TINAG: variants seen among roughly 807,000 people sequenced by gnomAD.
The protein encoded by TINAG is tubulointerstitial nephritis antigen.
A neutral mutation model predicts 72.7 loss-of-function variants in TINAG; 83 were observed. The observed-to-expected ratio is 1.14, with a 90% confidence interval of 0.96 to 1.37. TINAG has a LOEUF of 1.37. Ranked by LOEUF, TINAG falls within the 40% of genes most tolerant of loss-of-function variation. The probability of loss-of-function intolerance (pLI) is 0.00; values close to 1 mark genes in which losing one functional copy is unlikely to be tolerated. For synonymous variants in TINAG, 234 were observed against 189.9 expected (o/e 1.23, Z -1.91); for missense variants, 685 against 576.6 (o/e 1.19, Z -1.93).
chr6:54,330,626 A>G lies in TINAG; in HGVS notation c.624+3710A>G, dbSNP rs1010867720. On this transcript the variant is annotated intron_variant, in intron 4 of 10. Transcript: ENST00000259782. ...AGATCAGAGCAGAAATGAAGGAGAT[A>G]GAGACATGAAAAACCCTTCAAAACA... 2.6e-5 allele frequency among the ~76,000 whole-genome samples: 4 copies of G among 152,314 alleles called. No individual in the cohort carries two copies. The South Asian group carries it at 6.2e-4, about 24-fold the overall frequency.
At chr6:54,383,077 C>T (rs534817323) in intron 10 of TINAG, among the ~76,000 whole-genome samples, 1 of 152,238 alleles carries the variant, frequency 6.6e-6, no homozygotes, top group East Asian at 1.9e-4. Context: ...CTTGTCTCTG[C>T]TCTCTTTGAG....
In TINAG at chr6:54,349,763, C is replaced by A; in HGVS notation, c.947C>A (p.Thr316Asn). The A allele has an allele frequency of 6.2e-7, 1 of 1,604,434 alleles. No homozygotes were observed. The highest frequency in any genetic ancestry group is 8.5e-7 in the Non-Finnish European group (1 of 1,174,118). ...CYPLFKDQNA[T>N]NNGCAMASRS... ...CCACTTTTCAAAGACCAAAATGCTA[C>A]CAACAATGGATGTGCCATGGCAAGC... Residue 316 changes from threonine (T) to asparagine (N), a missense_variant, in exon 7 of 11, where the codon ACC (threonine) becomes AAC (asparagine). Coordinates refer to ENST00000259782, the MANE Select transcript of TINAG (RefSeq NM_014464.4).
intron 4 of TINAG, among the ~76,000 whole-genome samples, chr6:54,332,456 C>A (rs990905247): frequency 2.6e-5 from 4 of 152,096 alleles, no homozygotes; most frequent in Non-Finnish European, 5.9e-5. Flanking sequence ...ACACCTTATA[C>A]AAAAATTAAC....
At chr6:54,371,797 T>C (rs1763615943) in intron 9 of TINAG, among the ~76,000 whole-genome samples, 2 of 151,970 alleles carry the variant, frequency 1.3e-5, no homozygotes, top group Admixed American at 1.3e-4. Flanking sequence ...ATTAAATCAC[T>C]GTGGTAGAAA....
At chr6:54,325,510 A>C (rs1784583256) in intron 3 of TINAG, among the ~76,000 whole-genome samples, 1 of 152,178 alleles carries the variant, frequency 6.6e-6, no homozygotes, top group Non-Finnish European at 1.5e-5. Flanking sequence ...ACACACGTGC[A>C]CAAGCATCAA....
intron 4 of TINAG, among the ~76,000 whole-genome samples, chr6:54,337,823 G>A (rs1381676485): frequency 5.9e-5 from 9 of 152,184 alleles, no homozygotes; most frequent in African/African-American, 1.7e-4. Context: ...CTGATGGTGC[G>A]GTAGAAGAGG....
Position 54,347,365 on chromosome 6 carries a change from A to G in TINAG, c.749-2A>G. 4 of 1,611,968 alleles carry G rather than the reference A, an allele frequency of 2.5e-6. No individual in the cohort carries two copies. Among genetic ancestry groups the G allele is most frequent in the Non-Finnish European group, 3.4e-6 (4 of 1,178,984 alleles). On this transcript the variant is annotated splice_acceptor_variant, in intron 5 of 10. Coordinates refer to ENST00000259782, the MANE Select transcript of TINAG (RefSeq NM_014464.4). LOFTEE classifies it high-confidence loss of function. ...TATTAATTGATATTCTATTTGAAAC[A>G]GGTGTGGCTGCTGACCGAATAGCAA... is the stretch of plus-strand genomic sequence containing the variant.
intron 1 of TINAG, among the ~76,000 whole-genome samples, chr6:54,310,076 C>CGTGTGTGT (rs138971244): frequency 0.36 from 46,163 of 127,462 alleles, 9,664 homozygotes; most frequent in Middle Eastern, 0.56. Context: ...CTTTTTTTTC[C>CGTGTGTGT]GTGTGTGTGT....
intron 9 of TINAG, among the ~76,000 whole-genome samples, chr6:54,373,337 T>A (rs975710898): frequency 1.3e-5 from 2 of 152,142 alleles, no homozygotes; most frequent in African/African-American, 4.8e-5. Context: ...TATTTGATGC[T>A]CTTCTCTCTC....
intron 4 of TINAG, 144 bp downstream of exon 4, chr6:54,327,060 C>T (rs1014051583): frequency 1.9e-6 from 3 of 1,543,506 alleles, no homozygotes; most frequent in East Asian, 2.4e-5. Flanking sequence ...AACCCTTTCC[C>T]TAAATGGTTG....
chr6:54,389,747 C>A, intron 10 of TINAG, 44 bp from the exon 11 acceptor site: 8 of 1,539,636 alleles, frequency 5.2e-6, no homozygotes, highest in South Asian at 2.6e-5. Context: ...TAAAAAATAC[C>A]AAAGTATGTT....
intron 1 of TINAG, among the ~76,000 whole-genome samples, chr6:54,310,197 C>A (rs1341373906): frequency 2.0e-5 from 3 of 151,864 alleles, no homozygotes; most frequent in Non-Finnish European, 4.4e-5. Context: ...ATCCTCCTCC[C>A]TCAGCCTCCT....
In TINAG at chr6:54,338,807, C is replaced by T. The variant is rs56686695; in HGVS notation, c.625-4419C>T. Among the ~76,000 whole-genome samples, 219 of 150,902 alleles carry T rather than the reference C, an allele frequency of 1.5e-3. 1 individual carries two copies. Among genetic ancestry groups the T allele is most frequent in the African/African-American group, 5.2e-3 (215 of 41,070 alleles). On this transcript the variant is annotated intron_variant, in intron 4 of 10. Coordinates refer to ENST00000259782, the MANE Select transcript of TINAG (RefSeq NM_014464.4). ...GATGTAAATGAAATAAAATATTTTG[C>T]ACTGGACCAAATCCTGAACATTTAA...
chr6:54,312,886 C>A (rs1300167100), intron 1 of TINAG, among the ~76,000 whole-genome samples: 1 of 152,020 alleles, frequency 6.6e-6, no homozygotes, highest in Non-Finnish European at 1.5e-5. Flanking sequence ...TATCCCTTAC[C>A]CCTTGCTATT....
chr6:54,325,162 T>G (rs146080157), intron 3 of TINAG, among the ~76,000 whole-genome samples: 8 of 152,218 alleles, frequency 5.3e-5, no homozygotes, highest in Non-Finnish European at 1.0e-4. Context: ...ATTTGCTTTA[T>G]GTAAAAAATT....
At chr6:54,360,283 C>T (rs981901466) in intron 9 of TINAG, among the ~76,000 whole-genome samples, 1 of 151,626 alleles carries the variant, frequency 6.6e-6, no homozygotes, top group African/African-American at 2.4e-5. Flanking sequence ...ATTTTGAATG[C>T]TATGGCTATA....
intron 9 of TINAG, among the ~76,000 whole-genome samples, chr6:54,360,924 C>T (rs1312365395): frequency 1.7e-5 from 2 of 119,106 alleles, no homozygotes; most frequent in African/African-American, 6.3e-5. Flanking sequence ...AAGGTATCAT[C>T]TTTTTCAACA....
intron 10 of TINAG, among the ~76,000 whole-genome samples, chr6:54,387,394 A>G (rs1764127569): frequency 6.6e-6 from 1 of 152,204 alleles, no homozygotes; most frequent in Non-Finnish European, 1.5e-5. Flanking sequence ...ATGAAAATAA[A>G]TAGTAATAAG....
At chr6:54,316,434 T>C (rs1346963643) in intron 1 of TINAG, among the ~76,000 whole-genome samples, 1 of 152,200 alleles carries the variant, frequency 6.6e-6, no homozygotes, top group Non-Finnish European at 1.5e-5. Flanking sequence ...TTCTGACATT[T>C]ATTATACTAA....
Sources: gnomAD v4.1 joint callset for allele counts (sites outside exome capture counted in the v4.1 genomes callset) on GRCh38, gnomAD v4.1.1 for gene constraint, MANE v1.5 for transcripts, NCBI Gene and HGNC (gene_info 2026-07-23, HGNC 2026-07-21) for gene names.